B4GALT6: variants seen among roughly 807,000 people sequenced by gnomAD.
The protein encoded by B4GALT6 is beta-1,4-galactosyltransferase 6, also known as UDP-Gal:beta-GlcNAc beta-1,4-galactosyltransferase 6.
A neutral mutation model predicts 46.3 loss-of-function variants in B4GALT6; 14 were observed. The ratio of observed to expected loss-of-function variants is 0.30; its 90% CI spans 0.20 to 0.47. B4GALT6 has a LOEUF of 0.47. Among genes scored for constraint, B4GALT6 ranks in the 20% least tolerant of loss-of-function variants. B4GALT6 has a pLI of 0.99. For missense variants in B4GALT6, 386 were observed against 480.1 expected (o/e 0.80, Z 1.83); for synonymous variants, 168 against 162.0 (o/e 1.04, Z -0.28).
At chr18:31,707,136 C>T in the B4GALT6 span, among the ~76,000 whole-genome samples, 2 of 151,980 alleles carry the variant, frequency 1.3e-5, no homozygotes, top group Admixed American at 6.6e-5. Flanking sequence ...AAAGTATGGT[C>T]AACTTTTTCC....
intron 3 of B4GALT6, among the ~76,000 whole-genome samples, chr18:31,657,055 T>G (rs1459201507): frequency 2.0e-5 from 3 of 152,168 alleles, no homozygotes; most frequent in Non-Finnish European, 4.4e-5. Flanking sequence ...CTGTTAGGGA[T>G]ATAAATTGGT....
chr18:31,628,496 T>G (rs962684124), intron 6 of B4GALT6, among the ~76,000 whole-genome samples: 1 of 152,218 alleles, frequency 6.6e-6, no homozygotes, highest in African/African-American at 2.4e-5. Flanking sequence ...TTGTGCTATA[T>G]GAATAATGGA....
the B4GALT6 span, among the ~76,000 whole-genome samples, chr18:31,691,471 AAGAT>A: frequency 6.6e-6 from 1 of 151,772 alleles, no homozygotes; most frequent in African/African-American, 2.4e-5. Flanking sequence ...ATATAGATGA[AAGAT>A]AGTATACTAT....
chr18:31,721,938 G>T, the B4GALT6 span, among the ~76,000 whole-genome samples: 1 of 151,896 alleles, frequency 6.6e-6, no homozygotes, highest in African/African-American at 2.4e-5. Context: ...TCTCTGGAGA[G>T]CCCTGATTGA....
chr18:31,696,394 T>C, the B4GALT6 span, among the ~76,000 whole-genome samples: 1 of 152,258 alleles, frequency 6.6e-6, no homozygotes, highest in Admixed American at 6.5e-5. Context: ...TTAGATTCTC[T>C]TGGCTTATTT....
At chr18:31,645,936 T>C (rs186842837) in intron 3 of B4GALT6, among the ~76,000 whole-genome samples, 27 of 152,286 alleles carry the variant, frequency 1.8e-4, no homozygotes, top group Admixed American at 1.6e-3. Flanking sequence ...TTCTGTCTAT[T>C]GGGAAAATGA....
intron 2 of B4GALT6, 48 bp from the exon 3 acceptor site, chr18:31,658,137 CTT>C: frequency 7.5e-7 from 1 of 1,327,744 alleles, no homozygotes; most frequent in Non-Finnish European, 1.1e-6. Flanking sequence ...AGGCCTTTTG[CTT>C]TCTCCCTGGA....
chr18:31,677,556 T>C (rs1045918068), intron 1 of B4GALT6, among the ~76,000 whole-genome samples: 1 of 152,258 alleles, frequency 6.6e-6, no homozygotes, highest in Non-Finnish European at 1.5e-5. Context: ...AAAGGCATTA[T>C]GGGTATCCTC....
the B4GALT6 span, chr18:31,724,401 G>C: frequency 9.2e-7 from 1 of 1,087,616 alleles, no homozygotes; most frequent in Non-Finnish European, 1.1e-6. Flanking sequence ...GGCCAACTTA[G>C]CCCTGGTCTT....
Position 31,684,358 on chromosome 18 carries a change from G to A in B4GALT6, c.69C>T (p.Ser23=), listed in dbSNP as rs778718466. Residue 23 remains serine (S), a synonymous_variant, in exon 1 of 9, where the codon TCC becomes TCT. Transcript: ENST00000306851. ...RSLLAFIFFF[S]LSSSCLYFIY... ...TGAAGTACAGACAGGACGAAGAGAG[G>A]GAGAAGAAGAAGATGAAGGCGAGGA... 20 of 1,613,720 alleles carry A rather than the reference G, an allele frequency of 1.2e-5. No individual in the cohort carries two copies. Among genetic ancestry groups the A allele is most frequent in the Non-Finnish European group, 1.5e-5 (18 of 1,179,912 alleles).
intron 2 of B4GALT6, among the ~76,000 whole-genome samples, chr18:31,659,104 T>TA (rs2074179645): frequency 6.6e-6 from 1 of 152,120 alleles, no homozygotes; most frequent in South Asian, 2.1e-4. Flanking sequence ...AACAGCTCAT[T>TA]AAACTACCGT....
At chr18:31,705,586 G>A in the B4GALT6 span, among the ~76,000 whole-genome samples, 31 of 152,182 alleles carry the variant, frequency 2.0e-4, no homozygotes, top group African/African-American at 7.0e-4. Context: ...TCAGGGCTTC[G>A]CCACATTGGC....
intron 6 of B4GALT6, among the ~76,000 whole-genome samples, chr18:31,630,595 G>A (rs1250812511): frequency 6.6e-6 from 1 of 152,130 alleles, no homozygotes; most frequent in African/African-American, 2.4e-5. Flanking sequence ...TCTCACAGCA[G>A]CTCTATGGAT....
rs1455819786 is a variant in B4GALT6, at chr18:31,627,115, T to C, written c.783A>G (p.Pro261=). The C allele has an allele frequency of 1.3e-6, 2 of 1,595,974 alleles. No homozygotes were observed. Among genetic ancestry groups the C allele is most frequent in the Non-Finnish European group, 1.7e-6 (2 of 1,174,142 alleles). ...TTACACCACCAAAAAATTCTTTATATGGAAGACTAGAAAAGAAAGACACAG... is the reference window on the plus strand; with the variant it reads ...TTACACCACCAAAAAATTCTTTATACGGAAGACTAGAAAAGAAAGACACAG... The part of the protein sequence containing the change: ...AKLDKYMYIL[P]YKEFFGGVSG... The change falls in exon 7 of 9, where the codon CCA becomes CCG. Residue 261 remains proline, a synonymous_variant. Transcript: ENST00000306851.
Position 31,658,238 on chromosome 18 carries a change from C to T in B4GALT6, c.233-149G>A, listed in dbSNP as rs78385245. On this transcript the variant is annotated intron_variant, in intron 2 of 8. Transcript: ENST00000306851. ...CAATTATCTTTAAGGAACTAGAGAA[C>T]AGCAAACTGCTGCGGGGAACAGACC... 2,086 of 587,214 alleles carry T rather than the reference C, an allele frequency of 3.6e-3. 16 individuals carry two copies. The highest frequency in any genetic ancestry group is 5.0e-3 in the Non-Finnish European group (1,678 of 336,874). 36.4% of individuals were successfully genotyped at this position (587,214 alleles called of 1,614,324 possible). A position where few individuals can be genotyped will look rare whatever the true frequency, so the allele number is the denominator to read the frequency against.
rs747287363 is a variant in B4GALT6, at chr18:31,627,056, T to G, written c.842A>C (p.Asn281Thr). The G allele has an allele frequency of 6.2e-7, 1 of 1,611,906 alleles. No homozygotes were observed. Among genetic ancestry groups the G allele is most frequent in the African/African-American group, 1.3e-5 (1 of 74,976 alleles). Residue 281 changes from asparagine (N) to threonine (T), a missense_variant, in exon 7 of 9, where the codon AAT (asparagine) becomes ACT (threonine). By Grantham distance (65) the Asn-to-Thr change is moderately conservative. This residue lies in a region of B4GALT6 where 323 missense variants were observed against 438.9 expected (regional missense o/e 0.74). Transcript: ENST00000306851. ...TCCCCAGAAGGCATTAGGAAAACCA[T>G]TGATCTTTCTAAATTGTTCCACTGT... ...GLTVEQFRKI[N>T]GFPNAFWGWG...
At chr18:31,689,622 T>C (rs2030041260), upstream of B4GALT6, among the ~76,000 whole-genome samples, 1 of 152,052 alleles carries the variant, frequency 6.6e-6, no homozygotes, top group Non-Finnish European at 1.5e-5. Flanking sequence ...CGCACACCTG[T>C]AGTCCCAGCT....
the B4GALT6 span, among the ~76,000 whole-genome samples, chr18:31,716,838 G>A: frequency 1.3e-5 from 2 of 152,130 alleles, no homozygotes; most frequent in African/African-American, 2.4e-5. Flanking sequence ...TGCCACTCAC[G>A]CCTGTAATCC....
intron 3 of B4GALT6, among the ~76,000 whole-genome samples, chr18:31,657,477 A>G (rs2074155330): frequency 6.6e-6 from 1 of 152,238 alleles, no homozygotes; most frequent in Admixed American, 6.5e-5. Flanking sequence ...TATTTTCTAT[A>G]CAGACATCTA....
Sources: allele counts gnomAD v4.1 joint callset (sites outside exome capture counted in the v4.1 genomes callset), GRCh38; gene constraint gnomAD v4.1.1; regional missense constraint gnomAD v4.1.1; transcripts MANE v1.5; gene names NCBI Gene and HGNC (gene_info 2026-07-23, HGNC 2026-07-21).